The following CSPP1 variants were observed in gnomAD, a reference collection of about 807,000 sequenced individuals.
CSPP1 encodes centrosome and spindle pole associated protein 1.
A neutral mutation model predicts 164.4 loss-of-function variants in CSPP1; 126 were observed. That is an observed-to-expected ratio of 0.77 (90% CI 0.66 to 0.89). The LOEUF is 0.89. Among genes scored for constraint, CSPP1 ranks in the 40% least tolerant of loss-of-function variants. The probability of loss-of-function intolerance (pLI) is 0.00; values close to 1 mark genes in which losing one functional copy is unlikely to be tolerated. For missense variants in CSPP1, 1,395 were observed against 1,449.8 expected (o/e 0.96, Z 0.61); for synonymous variants, 472 against 476.7 (o/e 0.99, Z 0.13).
chr8:67,155,698 G>T (rs1826534296), intron 19 of CSPP1, among the ~76,000 whole-genome samples: 1 of 152,130 alleles, frequency 6.6e-6, no homozygotes, highest in Non-Finnish European at 1.5e-5. Flanking sequence ...TGAGGTGGGA[G>T]GATTGCTTGA....
chr8:67,092,230 T>C (rs1811760463), intron 5 of CSPP1, among the ~76,000 whole-genome samples: 1 of 152,178 alleles, frequency 6.6e-6, no homozygotes, highest in Admixed American at 6.5e-5. Flanking sequence ...GATGTGAAAT[T>C]ATAGTGAGCT....
At chr8:67,158,931 A>G in intron 20 of CSPP1, 60 bp from the exon 21 acceptor site, 1 of 1,356,154 alleles carries the variant, frequency 7.4e-7, no homozygotes, top group East Asian at 2.3e-5. Context: ...AAGGCAGCAC[A>G]TTTTTGAATG....
Position 67,183,767 on chromosome 8 carries a change from G to A in CSPP1, c.3220+3841G>A, listed in dbSNP as rs376369782. Among the ~76,000 whole-genome samples the A allele has an allele frequency of 1.1e-4, 17 of 149,074 alleles. No individual in the cohort carries two copies. In the East Asian group the frequency reaches 3.3e-3, roughly 29 times the overall value. On this transcript the variant is annotated intron_variant, in intron 28 of 30. Coordinates refer to ENST00000678616, the MANE Select transcript of CSPP1 (RefSeq NM_001382391.1). ...TCTAGACGACCTTGGATATGGTGAT[G>A]ACTTTTAGATAAAAAACCAAAGCCA...
chr8:67,109,476 T>C (rs2129548535), intron 9 of CSPP1, among the ~76,000 whole-genome samples: 1 of 152,340 alleles, frequency 6.6e-6, no homozygotes, highest in South Asian at 2.1e-4. Flanking sequence ...GTACCTTAGT[T>C]ACATCTGCAA....
intron 17 of CSPP1, among the ~76,000 whole-genome samples, chr8:67,144,970 G>A (rs1824222619): frequency 1.3e-5 from 2 of 151,104 alleles, no homozygotes; most frequent in African/African-American, 4.9e-5. Context: ...TACTCAGGAA[G>A]CTGAGACAGG....
chr8:67,122,173 A>G (rs1238262250), intron 15 of CSPP1, among the ~76,000 whole-genome samples: 1 of 150,928 alleles, frequency 6.6e-6, no homozygotes, highest in Non-Finnish European at 1.5e-5. Flanking sequence ...TCAAATAACA[A>G]ACTATTGGTT....
At chr8:67,075,074 C>T (rs1436100773) in intron 2 of CSPP1, among the ~76,000 whole-genome samples, 6 of 152,106 alleles carry the variant, frequency 3.9e-5, no homozygotes, top group African/African-American at 9.7e-5. Flanking sequence ...CCAGTGTGCC[C>T]GGCCTAAAAT....
At chr8:67,121,442 C>T (rs1818957657) in intron 15 of CSPP1, among the ~76,000 whole-genome samples, 1 of 151,932 alleles carries the variant, frequency 6.6e-6, no homozygotes, top group South Asian at 2.1e-4. Context: ...TTTTTTTCCC[C>T]TTTATTCTTT....
chr8:67,190,476 A>G (rs879548123), intron 28 of CSPP1, among the ~76,000 whole-genome samples, 174 bp from the exon 29 acceptor site: 5 of 152,154 alleles, frequency 3.3e-5, no homozygotes, highest in Admixed American at 1.3e-4. Context: ...TAAAGTGATG[A>G]TTGTACAACT....
intron 24 of CSPP1, among the ~76,000 whole-genome samples, chr8:67,167,937 AAGGCAGGCG>A (rs1357243232): frequency 8.2e-4 from 125 of 152,298 alleles, no homozygotes; most frequent in Middle Eastern, 6.8e-3. Flanking sequence ...TTGGGAGGCC[AAGGCAGGCG>A]GCTGGGAGGT....
chr8:67,083,215 T>A (rs932998231), intron 3 of CSPP1, among the ~76,000 whole-genome samples: 2 of 152,052 alleles, frequency 1.3e-5, no homozygotes, highest in African/African-American at 4.8e-5. Context: ...AAACAAATAC[T>A]CTTAGTAAAT....
chr8:67,093,727 AT>A, intron 6 of CSPP1, 86 bp downstream of exon 6: 1 of 756,970 alleles, frequency 1.3e-6, no homozygotes, highest in Non-Finnish European at 2.1e-6. Context: ...TATTTTAGAC[AT>A]TTTACTTTTT....
chr8:67,194,766 T>C (rs948156835), intron 30 of CSPP1, among the ~76,000 whole-genome samples: 1 of 151,032 alleles, frequency 6.6e-6, no homozygotes, highest in Non-Finnish European at 1.5e-5. Context: ...TAAATAAAAG[T>C]AAAATACAGA....
intron 18 of CSPP1, 76 bp from the exon 19 acceptor site, chr8:67,153,948 A>G (rs1304535751): frequency 3.1e-6 from 2 of 650,970 alleles, no homozygotes; most frequent in Non-Finnish European, 5.5e-6. Flanking sequence ...ATTTATTAGC[A>G]AACTGTTCAT....
At chr8:67,125,025 A>G (rs974761154) in intron 15 of CSPP1, among the ~76,000 whole-genome samples, 1 of 152,058 alleles carries the variant, frequency 6.6e-6, no homozygotes, top group Non-Finnish European at 1.5e-5. Context: ...ACGTCTTTAC[A>G]TTTGTAATAT....
intron 10 of CSPP1, 145 bp downstream of exon 10, chr8:67,112,210 A>T (rs1290924370): frequency 2.2e-6 from 1 of 454,154 alleles, no homozygotes; most frequent in Non-Finnish European, 3.9e-6. Flanking sequence ...TGCTAAATCA[A>T]CAAGGAAAAT....
intron 24 of CSPP1, among the ~76,000 whole-genome samples, chr8:67,172,099 T>C (rs1830578047): frequency 1.3e-5 from 2 of 151,954 alleles, no homozygotes; most frequent in Admixed American, 6.6e-5. Context: ...TCCACCTGTC[T>C]TGGCCTCCCA....
At chr8:67,121,803 T>C (rs965376602) in intron 15 of CSPP1, among the ~76,000 whole-genome samples, 1 of 152,046 alleles carries the variant, frequency 6.6e-6, no homozygotes, top group African/African-American at 2.4e-5. Context: ...CTTTGTTGGG[T>C]GATTATTGAT....
At position 67,195,499 on chromosome 8, in the gene CSPP1, G is replaced by A. The variant is rs1241589485; in HGVS notation, c.3587G>A (p.Arg1196His). ...CCTGGCACTTCAGAAACGCTGAAAC[G>A]TTTCATGGCAGAGCAGCTGAACCAG... ...LRPGTSETLKRFMAEQLNQEQ... is the reference protein window; with the variant it reads ...LRPGTSETLKHFMAEQLNQEQ... The change falls in exon 31 of 31, where the codon CGT (arginine) becomes CAT (histidine). Residue 1196 changes from arginine to histidine, a missense_variant. Arg to His is a conservative substitution (Grantham distance 29, BLOSUM62 0). Coordinates refer to ENST00000678616, the MANE Select transcript of CSPP1 (RefSeq NM_001382391.1). 1.7e-5 allele frequency: 28 copies of A among 1,614,202 alleles called. No individual in the cohort carries two copies. The highest frequency in any genetic ancestry group is 4.4e-5 in the South Asian group (4 of 91,086).
Sources: gnomAD v4.1 joint callset for allele counts (sites outside exome capture counted in the v4.1 genomes callset) on GRCh38, gnomAD v4.1.1 for gene constraint, MANE v1.5 for transcripts, NCBI Gene and HGNC (gene_info 2026-07-23, HGNC 2026-07-21) for gene names.